The following PRR14L variants were observed in gnomAD, a reference collection of about 807,000 sequenced individuals.
PRR14L encodes protein PRR14L.
A neutral mutation model predicts 155.0 loss-of-function variants in PRR14L; 80 were observed. The observed-to-expected ratio is 0.52, with a 90% CI of 0.43 to 0.62. The LOEUF is 0.62. PRR14L is among the 20% of genes least tolerant of loss of function. PRR14L has a pLI of 0.00. For synonymous variants in PRR14L, 883 were observed against 916.0 expected, an observed-to-expected ratio of 0.96 and a Z score of 0.65; for missense variants, 2,469 against 2,548.0, an observed-to-expected ratio of 0.97 and a Z score of 0.67.
Position 31,738,695 on chromosome 22 carries a change from G to A in PRR14L, c.166C>T (p.Leu56Phe), listed in dbSNP as rs1224389715. 2.6e-6 allele frequency: 4 copies of A among 1,551,914 alleles called. No individual in the cohort carries two copies. Among genetic ancestry groups the A allele is most frequent in the Non-Finnish European group, 3.5e-6 (4 of 1,147,054 alleles). Reference protein sequence around the residue: ...PDVKPGASSSLLSQNRALPLE... With the variant: ...PDVKPGASSSFLSQNRALPLE... ...GGCAATGCCCTATTCTGACTTAAAA[G>A]AGAGCTTGAGGCTCCAGGTTTTACA... Residue 56 changes from leucine (L) to phenylalanine (F), a missense_variant, in exon 2 of 9, where the codon CTT (leucine) becomes TTT (phenylalanine). By Grantham distance (22) the Leu-to-Phe change is conservative. Coordinates refer to ENST00000327423, the MANE Select transcript of PRR14L (RefSeq NM_173566.3).
At chr22:31,730,938 TA>T (rs1400756296) in intron 2 of PRR14L, among the ~76,000 whole-genome samples, 1 of 152,182 alleles carries the variant, frequency 6.6e-6, no homozygotes, top group East Asian at 1.9e-4. Flanking sequence ...GCTGCAAAAG[TA>T]AGTGTCGAAT....
Position 31,683,654 on chromosome 22 carries a change from G to C in PRR14L, c.*1873C>G, listed in dbSNP as rs1295393164. On this transcript the variant is annotated 3_prime_UTR_variant, in exon 9 of 9. Transcript: ENST00000327423. ...CTTGGAAGCCTCCGTGGATGACCAAGTGTGTATTTCACTCGTCTCAATGCT... is the reference window on the plus strand; with the variant it reads ...CTTGGAAGCCTCCGTGGATGACCAACTGTGTATTTCACTCGTCTCAATGCT... The C allele has an allele frequency of 6.6e-6, 1 of 152,290 alleles. No individual in the cohort carries two copies. Among genetic ancestry groups the C allele is most frequent in the Non-Finnish European group, 1.5e-5 (1 of 68,096 alleles). The allele number at this position is 152,290 out of a possible 1,614,324, so 9.4% of individuals were successfully genotyped here.
chr22:31,734,166 T>C (rs1233666363), intron 2 of PRR14L, among the ~76,000 whole-genome samples: 1 of 151,974 alleles, frequency 6.6e-6, no homozygotes, highest in Admixed American at 6.6e-5. Context: ...AAAGATGGGG[T>C]TTCACCATGT....
chr22:31,711,492 T>G (rs968929087), intron 4 of PRR14L, among the ~76,000 whole-genome samples: 7 of 149,286 alleles, frequency 4.7e-5, no homozygotes, highest in African/African-American at 1.7e-4. Flanking sequence ...AATAAACAAA[T>G]AAATAAAAGC....
At chr22:31,741,531 G>A (rs1243313325) in intron 1 of PRR14L, among the ~76,000 whole-genome samples, 4 of 152,192 alleles carry the variant, frequency 2.6e-5, no homozygotes, top group African/African-American at 9.6e-5. Context: ...GTGTACAGGG[G>A]AAGAGCGAGA....
chr22:31,738,985 C>T lies in PRR14L; in HGVS notation c.-51-74G>A, dbSNP rs529088668. On this transcript the variant is annotated intron_variant, in intron 1 of 8. Coordinates refer to ENST00000327423, the MANE Select transcript of PRR14L (RefSeq NM_173566.3). ...AGAAGAAGGCTGCCTCAGTTCAAACCGGCTACAACGAAGAAAATAAGTTCT... is the reference window on the plus strand; with the variant it reads ...AGAAGAAGGCTGCCTCAGTTCAAACTGGCTACAACGAAGAAAATAAGTTCT... The T allele has an allele frequency of 7.5e-4, 468 of 628,172 alleles. No homozygotes were observed. In the African/African-American group the frequency reaches 7.9e-3, roughly 11 times the overall value. 38.9% of individuals were successfully genotyped at this position (628,172 alleles called of 1,614,324 possible). A position where few individuals can be genotyped will look rare whatever the true frequency, so the allele number is the denominator to read the frequency against.
At chr22:31,709,915 G>A (rs534329889) in intron 4 of PRR14L, among the ~76,000 whole-genome samples, 1 of 151,882 alleles carries the variant, frequency 6.6e-6, no homozygotes, top group Non-Finnish European at 1.5e-5. Flanking sequence ...CTACAGGCAT[G>A]AGCCACCGTA....
intron 3 of PRR14L, among the ~76,000 whole-genome samples, chr22:31,719,898 G>A (rs560363266): frequency 5.3e-5 from 8 of 152,150 alleles, no homozygotes; most frequent in African/African-American, 1.4e-4. Flanking sequence ...CACCATGTCC[G>A]GCTAATTTTT....
intron 3 of PRR14L, among the ~76,000 whole-genome samples, chr22:31,719,671 A>T (rs2074679726): frequency 6.6e-6 from 1 of 152,150 alleles, no homozygotes; most frequent in Non-Finnish European, 1.5e-5. Context: ...TGAGAGCAGC[A>T]ATTACTGTGA....
chr22:31,735,554 A>G (rs1444240246), intron 2 of PRR14L, among the ~76,000 whole-genome samples: 4 of 151,694 alleles, frequency 2.6e-5, no homozygotes, highest in Non-Finnish European at 1.5e-5. Flanking sequence ...GTGTGTGTTC[A>G]TTATACTTTA....
intron 2 of PRR14L, 132 bp downstream of exon 2, chr22:31,738,255 A>C (rs2074793189): frequency 2.6e-6 from 2 of 771,210 alleles, no homozygotes; most frequent in East Asian, 2.7e-5. Context: ...ATCAAAACAA[A>C]GTTAACTTCA....
chr22:31,712,582 G>A lies in PRR14L; in HGVS notation c.5257C>T (p.Leu1753Phe), dbSNP rs1306155004. 1.3e-6 allele frequency: 2 copies of A among 1,551,720 alleles called. No individual in the cohort carries two copies. Among genetic ancestry groups the A allele is most frequent in the Non-Finnish European group, 1.7e-6 (2 of 1,147,004 alleles). ...TTGGGAGGTTGAGACGGGCACTGGA[G>A]GGCCTCTCCTAAGGCAAGCCTTGCC... The part of the protein sequence containing the change: ...APARLALGEA[L>F]QCPSQPPKWT... Residue 1753 changes from leucine to phenylalanine, a missense_variant, in exon 4 of 9, where the codon CTC (leucine) becomes TTC (phenylalanine). Around this residue, in one of 2 missense-constraint regions of PRR14L, gnomAD observed 2,363 missense variants for 2,371.6 expected, o/e 1.00. Coordinates refer to ENST00000327423, the MANE Select transcript of PRR14L (RefSeq NM_173566.3).
chr22:31,697,882 CTA>C (rs57299136), intron 7 of PRR14L, among the ~76,000 whole-genome samples: 1 of 151,818 alleles, frequency 6.6e-6, no homozygotes, highest in African/African-American at 2.4e-5. Flanking sequence ...CAAACTGTAA[CTA>C]TATATATATC....
chr22:31,730,571 A>G (rs1405821191), intron 2 of PRR14L, among the ~76,000 whole-genome samples: 1 of 152,188 alleles, frequency 6.6e-6, no homozygotes, highest in Non-Finnish European at 1.5e-5. Context: ...CCTGGGGGCA[A>G]ACTTCTATCA....
At chr22:31,718,180 G>A (rs537334194) in intron 3 of PRR14L, among the ~76,000 whole-genome samples, 4 of 151,270 alleles carry the variant, frequency 2.6e-5, no homozygotes, top group South Asian at 4.2e-4. Context: ...CGCCTGCCTC[G>A]GCCTCCCAAA....
At position 31,714,127 on chromosome 22, in the gene PRR14L, T is replaced by C. The variant is rs748273122; in HGVS notation, c.3712A>G (p.Ile1238Val). ...TTTTCTTGAGAAGGCATTATTTCAA[T>C]GGATTTCAGGCTTCTTAGGGAAACA... ...SSVSLRSLKS[I>V]EIMPSQENSE... is the part of the protein sequence containing the mutation. Residue 1238 changes from isoleucine (I) to valine (V), a missense_variant, in exon 4 of 9, where the codon ATT (isoleucine) becomes GTT (valine). Physicochemically the swap from Ile to Val is conservative, Grantham distance 29 (BLOSUM62 3). Around this residue, in one of 2 missense-constraint regions of PRR14L, gnomAD observed 2,363 missense variants for 2,371.6 expected, o/e 1.00. Transcript: ENST00000327423. The C allele has an allele frequency of 1.9e-5, 29 of 1,551,362 alleles. No individual in the cohort carries two copies. Among genetic ancestry groups the C allele is most frequent in the Middle Eastern group, 1.7e-4 (1 of 6,012 alleles).
Position 31,715,002 on chromosome 22 carries a change from G to C in PRR14L, c.2837C>G (p.Pro946Arg). Reference sequence around the variant, plus strand: ...TTTAAAACTGGAGAACATAACAGTAGGAGACTGGTCCAACACTTTTTCAGG... The same window carrying C: ...TTTAAAACTGGAGAACATAACAGTACGAGACTGGTCCAACACTTTTTCAGG... ...PGPEKVLDQS[P>R]TVMFSSFKNV... Residue 946 changes from proline (P) to arginine (R), a missense_variant, in exon 4 of 9, where the codon CCT becomes CGT. This residue lies in a region of PRR14L where 2,363 missense variants were observed against 2,371.6 expected (regional missense o/e 1.00). Coordinates refer to ENST00000327423, the MANE Select transcript of PRR14L (RefSeq NM_173566.3). 1.3e-6 allele frequency: 2 copies of C among 1,552,070 alleles called. No individual in the cohort carries two copies. Among genetic ancestry groups the C allele is most frequent in the Non-Finnish European group, 1.7e-6 (2 of 1,147,050 alleles).
intron 2 of PRR14L, among the ~76,000 whole-genome samples, chr22:31,736,086 G>A (rs1241309552): frequency 6.6e-6 from 1 of 150,748 alleles, no homozygotes; most frequent in African/African-American, 2.4e-5. Flanking sequence ...AAGTGTGGTG[G>A]TGCATGCCTG....
chr22:31,743,085 G>A (rs1601519761), intron 1 of PRR14L, among the ~76,000 whole-genome samples: 1 of 152,070 alleles, frequency 6.6e-6, no homozygotes, highest in Non-Finnish European at 1.5e-5. Flanking sequence ...GGAGGATCAT[G>A]AGGTCAGGAG....
Sources: allele counts gnomAD v4.1 joint callset (sites outside exome capture counted in the v4.1 genomes callset), GRCh38; gene constraint gnomAD v4.1.1; regional missense constraint gnomAD v4.1.1; transcripts MANE v1.5; gene names NCBI Gene and HGNC (gene_info 2026-07-23, HGNC 2026-07-21).